The following HEATR1 variants were observed in gnomAD, a reference collection of about 807,000 sequenced individuals.
The protein encoded by HEATR1 is HEAT repeat-containing protein 1.
A neutral mutation model predicts 248.2 loss-of-function variants in HEATR1; 77 were observed. The ratio of observed to expected loss-of-function variants is 0.31; its 90% CI spans 0.26 to 0.37. HEATR1 has a LOEUF of 0.37. Ranked by LOEUF, HEATR1 falls within the 10% of genes least tolerant of loss-of-function variation. The pLI, the probability that HEATR1 is intolerant of heterozygous loss-of-function variation, is 1.00. For synonymous variants in HEATR1, 897 were observed against 923.1 expected (o/e 0.97, Z 0.51); for missense variants, 2,420 against 2,504.9 (o/e 0.97, Z 0.72).
intron 24 of HEATR1, among the ~76,000 whole-genome samples, chr1:236,573,653 C>A (rs1663489447): frequency 6.6e-6 from 1 of 151,142 alleles, no homozygotes; most frequent in Non-Finnish European, 1.5e-5. Flanking sequence ...AATATTTCAG[C>A]AAAGAAAAAG....
At chr1:236,561,326 A>AT (rs1553281047) in intron 32 of HEATR1, 55 bp from the exon 33 acceptor site, 9 of 1,377,480 alleles carry the variant, frequency 6.5e-6, no homozygotes, top group Admixed American at 1.8e-5. Context: ...AATAAAAGTC[A>AT]TTTCAAGTCA....
rs1662969910 is a variant in HEATR1 at position 236,556,171 on chromosome 1, T to C, written c.5443A>G (p.Thr1815Ala). ...RLTSLKKTLA[T>A]TLAPRVLLPA... is the part of the protein sequence containing the mutation. ...AACAGGACTCGGGGTGCAAGTGTGG[T>C]AGCCAGTGTCTTTTTAAGAGATGTG... Residue 1815 changes from threonine (T) to alanine (A), a missense_variant, in exon 38 of 45, where the codon ACC (threonine) becomes GCC (alanine). By Grantham distance (58) the Thr-to-Ala change is moderately conservative. Coordinates refer to ENST00000366582, the MANE Select transcript of HEATR1 (RefSeq NM_018072.6). 3 of 1,614,140 alleles carry C rather than the reference T, an allele frequency of 1.9e-6. No homozygotes were observed. The highest frequency in any genetic ancestry group is 2.5e-6 in the Non-Finnish European group (3 of 1,180,036).
intron 24 of HEATR1, chr1:236,573,961 A>G (rs955027811): frequency 1.3e-5 from 4 of 308,766 alleles, no homozygotes; most frequent in African/African-American, 6.5e-5. Context: ...TCACACACAC[A>G]CATATTCCTA....
intron 3 of HEATR1, among the ~76,000 whole-genome samples, chr1:236,602,561 A>C (rs1664354778): frequency 6.6e-6 from 1 of 152,222 alleles, no homozygotes; most frequent in Non-Finnish European, 1.5e-5. Flanking sequence ...CCAAGAAAGC[A>C]GCTTAGTACT....
intron 37 of HEATR1, 123 bp from the exon 38 acceptor site, chr1:236,556,381 A>G: frequency 2.0e-6 from 2 of 1,002,626 alleles, no homozygotes; most frequent in Middle Eastern, 2.7e-4. Flanking sequence ...TTTTAACTAC[A>G]CACAGAATTC....
At chr1:236,557,910 G>A (rs1348726101) in intron 36 of HEATR1, among the ~76,000 whole-genome samples, 1 of 152,208 alleles carries the variant, frequency 6.6e-6, no homozygotes, top group Non-Finnish European at 1.5e-5. Flanking sequence ...CGGGAAGGCT[G>A]CATCTTTCTG....
At chr1:236,581,975 C>T (rs1663761179) in intron 19 of HEATR1, among the ~76,000 whole-genome samples, 1 of 152,030 alleles carries the variant, frequency 6.6e-6, no homozygotes, top group Non-Finnish European at 1.5e-5. Flanking sequence ...TCTATTCAAC[C>T]TACCGATTAG....
rs187502581 is a variant in HEATR1 at position 236,579,925 on chromosome 1, A to G, written c.2755+1297T>C. Among the ~76,000 whole-genome samples the G allele has an allele frequency of 4.2e-3, 416 of 99,672 alleles. 2 individuals carry two copies. The highest frequency in any genetic ancestry group is 8.8e-3 in the Non-Finnish European group (328 of 37,220). The allele number at this position is 99,672 out of a possible 152,430, so 65.4% of individuals were successfully genotyped here. A position where few individuals can be genotyped will look rare whatever the true frequency, so the allele number is the denominator to read the frequency against. On this transcript the variant is annotated intron_variant, in intron 20 of 44. Transcript: ENST00000366582. Reference sequence around the variant, plus strand: ...AACATTTACAAAGAGTAATTTTGGAATTAAAAAAAAAACAACAAGAAACAA... The same window carrying G: ...AACATTTACAAAGAGTAATTTTGGAGTTAAAAAAAAAACAACAAGAAACAA...
intron 12 of HEATR1, among the ~76,000 whole-genome samples, chr1:236,588,581 T>C (rs1309750611): frequency 6.6e-6 from 1 of 152,224 alleles, no homozygotes; most frequent in African/African-American, 2.4e-5. Flanking sequence ...TAGCTAGTAT[T>C]ATCTAAATTT....
rs1448975379 is a variant in HEATR1, at chr1:236,550,114, A to T, written c.*788T>A. 6.6e-6 allele frequency: 1 copy of T among 152,170 alleles called. No individual in the cohort carries two copies. The highest frequency in any genetic ancestry group is 6.5e-5 in the Admixed American group (1 of 15,278). The allele number at this position is 152,170 out of a possible 1,614,324, so 9.4% of individuals were successfully genotyped here. ...ACTAGAGATTAGGGCACTTCAAAGC[A>T]TTGAAAAAAATCTACTGATACTTAC... On this transcript the variant is annotated 3_prime_UTR_variant, in exon 45 of 45. Coordinates refer to ENST00000366582, the MANE Select transcript of HEATR1 (RefSeq NM_018072.6).
In HEATR1 at chr1:236,583,080, C is replaced by T. The variant is rs911461292; in HGVS notation, c.2358G>A (p.Ser786=). ...NSTQRVAVED[S]VFLVFSLKKF... The stretch of plus-strand genomic sequence containing the variant: ...TTTTCAAGGAAAATACAAGAAAAAC[C>T]GAGTCCTCCACGGCCACCCTCTGAG... Residue 786 remains serine (S), a synonymous_variant, in exon 18 of 45, where the codon TCG becomes TCA. Transcript: ENST00000366582. The T allele has an allele frequency of 1.1e-5, 18 of 1,613,960 alleles. No individual in the cohort carries two copies. Among genetic ancestry groups the T allele is most frequent in the Admixed American group, 1.7e-5 (1 of 60,002 alleles).
intron 16 of HEATR1, 94 bp downstream of exon 16, chr1:236,585,725 AT>A (rs1052985898): frequency 1.5e-4 from 199 of 1,290,268 alleles, no homozygotes; most frequent in Middle Eastern, 4.8e-4. Flanking sequence ...AATAAAAGAA[AT>A]TTTTTTTAAG....
In HEATR1 at chr1:236,588,068, A is replaced by G. The variant is rs1663941260; in HGVS notation, c.1531-25T>C. Reference sequence around the variant, plus strand: ...CCTGAGCAATAAAAGAAAAACATTAATTTAGCTGTTGCCAAAAATCTCTTA... The same window carrying G: ...CCTGAGCAATAAAAGAAAAACATTAGTTTAGCTGTTGCCAAAAATCTCTTA... On this transcript the variant is annotated intron_variant, in intron 12 of 44. Coordinates refer to ENST00000366582, the MANE Select transcript of HEATR1 (RefSeq NM_018072.6). The G allele has an allele frequency of 4.5e-6, 7 of 1,572,364 alleles. No individual in the cohort carries two copies. In the East Asian group the frequency reaches 1.1e-4, roughly 25 times the overall value.
chr1:236,600,497 G>A (rs1423875701), intron 3 of HEATR1, among the ~76,000 whole-genome samples: 3 of 151,136 alleles, frequency 2.0e-5, no homozygotes, highest in Non-Finnish European at 4.4e-5. Context: ...CTTTTACATC[G>A]TGTACTTTTT....
chr1:236,584,648 A>T (rs1446890847), intron 17 of HEATR1, among the ~76,000 whole-genome samples: 1 of 152,216 alleles, frequency 6.6e-6, no homozygotes, highest in Non-Finnish European at 1.5e-5. Context: ...TAAAGCCTAA[A>T]AGATCTATTT....
At chr1:236,565,886 T>C (rs754287200) in intron 31 of HEATR1, 33 bp downstream of exon 31, 21 of 1,588,706 alleles carry the variant, frequency 1.3e-5, no homozygotes, top group Middle Eastern at 1.7e-4. Flanking sequence ...AGCTTTCAGA[T>C]TGAACAGTAA....
At chr1:236,600,117 C>CTT (rs1558193919) in intron 3 of HEATR1, among the ~76,000 whole-genome samples, 10 of 83,384 alleles carry the variant, frequency 1.2e-4, no homozygotes, top group East Asian at 3.8e-4. Context: ...GGTCTGTCAA[C>CTT]ATTTTTTTTT....
chr1:236,603,843 C>T, intron 2 of HEATR1, 111 bp downstream of exon 2: 1 of 1,165,642 alleles, frequency 8.6e-7, no homozygotes, highest in Non-Finnish European at 1.2e-6. Context: ...ATGCTAGAAA[C>T]TGCTAAGGAA....
chr1:236,577,177 C>T (rs1663584254), intron 20 of HEATR1, among the ~76,000 whole-genome samples: 1 of 150,908 alleles, frequency 6.6e-6, no homozygotes, highest in Non-Finnish European at 1.5e-5. Context: ...TCTACACCAA[C>T]TGCTATCACA....
Sources: allele counts gnomAD v4.1 joint callset (sites outside exome capture counted in the v4.1 genomes callset), GRCh38; gene constraint gnomAD v4.1.1; transcripts MANE v1.5; gene names NCBI Gene and HGNC (gene_info 2026-07-23, HGNC 2026-07-21).